LARGE1: variants seen among roughly 807,000 people sequenced by gnomAD.
The protein encoded by LARGE1 is LARGE xylosyl- and glucuronyltransferase 1, also known as xylosyl- and glucuronyltransferase LARGE1.
Under a neutral mutation model 87.6 loss-of-function variants are expected in LARGE1, and 43 were observed. The observed-to-expected ratio is 0.49, with a 90% confidence interval of 0.38 to 0.63. The LOEUF is 0.63. Among genes scored for constraint, LARGE1 ranks in the 30% least tolerant of loss-of-function variants. LARGE1 has a pLI of 0.00. For missense variants in LARGE1, 802 were observed against 1,000.2 expected (o/e 0.80, Z 2.67); for synonymous variants, 434 against 394.6 (o/e 1.10, Z -1.18).
chr22:33,344,032 C>T (rs903070173), intron 9 of LARGE1, among the ~76,000 whole-genome samples: 1 of 152,144 alleles, frequency 6.6e-6, no homozygotes, highest in African/African-American at 2.4e-5. Flanking sequence ...CCAGTCTCTC[C>T]TTTTCACATT....
intron 7 of LARGE1, among the ~76,000 whole-genome samples, chr22:33,419,267 A>T (rs1238092338): frequency 6.6e-6 from 1 of 152,000 alleles, no homozygotes. Flanking sequence ...GCCTCCCATC[A>T]GGTTCCTCCT....
chr22:33,585,330 G>GAC (rs1047924920), intron 5 of LARGE1, among the ~76,000 whole-genome samples: 1 of 152,012 alleles, frequency 6.6e-6, no homozygotes, highest in Non-Finnish European at 1.5e-5. Flanking sequence ...AAAACACACA[G>GAC]ACACACACAC....
chr22:33,615,495 T>A (rs200163771), intron 4 of LARGE1, among the ~76,000 whole-genome samples: 4 of 151,750 alleles, frequency 2.6e-5, no homozygotes, highest in African/African-American at 7.3e-5. Flanking sequence ...AAATAATTTT[T>A]AAAAAACCCT....
rs60911479 is a variant in LARGE1, at chr22:33,351,755, C to CT, written c.1132-13955dup. The stretch of plus-strand genomic sequence containing the variant: ...AAAGTATCAAAGGGAAAATTAGAAA[C>CT]TTTTTTTTTTTTTTGAGACAGAGTC... On this transcript the variant is annotated intron_variant, in intron 9 of 14. Transcript: ENST00000397394. Among the ~76,000 whole-genome samples the CT allele has an allele frequency of 1.1e-3, 168 of 146,418 alleles. 2 individuals are homozygous for CT. The highest frequency in any genetic ancestry group is 2.0e-3 in the South Asian group (9 of 4,588).
At chr22:33,518,631 G>C (rs979898502) in intron 6 of LARGE1, among the ~76,000 whole-genome samples, 22 of 152,150 alleles carry the variant, frequency 1.4e-4, no homozygotes, top group African/African-American at 5.1e-4. Context: ...TTTGAACCCA[G>C]GCTGACTGGC....
At chr22:33,408,753 G>A (rs528670874) in intron 7 of LARGE1, among the ~76,000 whole-genome samples, 19 of 137,126 alleles carry the variant, frequency 1.4e-4, no homozygotes, top group Non-Finnish European at 2.9e-4. Context: ...CCCAGCGTGG[G>A]ACATACAAAA....
intron 12 of LARGE1, among the ~76,000 whole-genome samples, chr22:33,298,829 T>C (rs1454092820): frequency 6.6e-6 from 1 of 150,470 alleles, no homozygotes; most frequent in African/African-American, 2.4e-5. Flanking sequence ...AGACCCTGTG[T>C]CTAAAGAGAA....
At chr22:33,696,054 T>C (rs1399836030) in intron 2 of LARGE1, among the ~76,000 whole-genome samples, 1 of 152,180 alleles carries the variant, frequency 6.6e-6, no homozygotes, top group Non-Finnish European at 1.5e-5. Flanking sequence ...GTTTCATGTA[T>C]TGCTAATCTG....
At chr22:33,138,170 C>T in the LARGE1 span, among the ~76,000 whole-genome samples, 2 of 152,174 alleles carry the variant, frequency 1.3e-5, no homozygotes, top group African/African-American at 4.8e-5. Flanking sequence ...TGGGAATCTA[C>T]CTCTTGCATT....
At chr22:33,548,972 A>G (rs1022058996) in intron 6 of LARGE1, among the ~76,000 whole-genome samples, 1 of 152,224 alleles carries the variant, frequency 6.6e-6, no homozygotes, top group African/African-American at 2.4e-5. Context: ...CAGGAGGCAA[A>G]TAAGAAAATA....
At chr22:33,364,919 C>G (rs1008814332) in intron 9 of LARGE1, among the ~76,000 whole-genome samples, 2 of 151,976 alleles carry the variant, frequency 1.3e-5, no homozygotes, top group African/African-American at 4.8e-5. Context: ...TGGTCTCAAA[C>G]TCCTGGGCTC....
chr22:33,817,951 A>G (rs1187389041), intron 1 of LARGE1, among the ~76,000 whole-genome samples: 1 of 152,058 alleles, frequency 6.6e-6, no homozygotes, highest in Non-Finnish European at 1.5e-5. Flanking sequence ...AGAGGAAGGA[A>G]GAACAGGGTA....
intron 3 of LARGE1, among the ~76,000 whole-genome samples, chr22:33,643,746 C>A (rs568222675): frequency 4.8e-4 from 73 of 152,270 alleles, no homozygotes; most frequent in African/African-American, 1.6e-3. Flanking sequence ...ACTGATTCCA[C>A]AGAAATACAA....
intron 4 of LARGE1, among the ~76,000 whole-genome samples, chr22:33,610,879 C>T (rs534560627): frequency 2.0e-5 from 3 of 152,206 alleles, no homozygotes; most frequent in African/African-American, 7.2e-5. Context: ...ATTGTGGCCT[C>T]TCCAGTTCCA....
intron 6 of LARGE1, among the ~76,000 whole-genome samples, chr22:33,514,331 T>C (rs1222397746): frequency 1.3e-5 from 2 of 152,192 alleles, no homozygotes; most frequent in African/African-American, 4.8e-5. Flanking sequence ...TGCCTGCATA[T>C]GTGTGTATAT....
rs1157544194 is a variant in LARGE1 at position 33,337,655 on chromosome 22, G to A, written c.1278C>T (p.Asn426=). The change falls in exon 10 of 15, where the codon AAC becomes AAT. Residue 426 remains asparagine (N), a synonymous_variant. Transcript: ENST00000397394. ...LFGCPSEADV[N]SENLQKQLSE... ...CTTGCGAGCCACTTACGTTTTCACT[G>A]TTGACATCAGCCTCACTGGGGCAGC... 1.2e-6 allele frequency: 2 copies of A among 1,614,084 alleles called. No homozygotes were observed. Among genetic ancestry groups the A allele is most frequent in the African/African-American group, 1.3e-5 (1 of 75,026 alleles).
intron 1 of LARGE1, among the ~76,000 whole-genome samples, chr22:33,864,079 G>T (rs1281301152): frequency 6.6e-6 from 1 of 152,120 alleles, no homozygotes; most frequent in Non-Finnish European, 1.5e-5. Flanking sequence ...CCATTGCCTG[G>T]CAATGGTTTG....
chr22:33,381,816 C>A, intron 9 of LARGE1, 103 bp downstream of exon 9: 1 of 1,456,758 alleles, frequency 6.9e-7, no homozygotes, highest in Non-Finnish European at 9.6e-7. Flanking sequence ...GCCCTTATCT[C>A]TCTCACCACA....
chr22:33,910,325 T>A (rs2146956657), intron 1 of LARGE1, among the ~76,000 whole-genome samples: 1 of 152,238 alleles, frequency 6.6e-6, no homozygotes, highest in South Asian at 2.1e-4. Flanking sequence ...AATACCTAAG[T>A]GAAGGAATAA....
Sources: allele counts gnomAD v4.1 joint callset (sites outside exome capture counted in the v4.1 genomes callset), GRCh38; gene constraint gnomAD v4.1.1; transcripts MANE v1.5; gene names NCBI Gene and HGNC (gene_info 2026-07-23, HGNC 2026-07-21).